UGT2B7: variants seen among roughly 807,000 people sequenced by gnomAD.
UGT2B7 encodes UDP glucuronosyltransferase family 2 member B7, also known as UDP-glucuronosyltransferase 2B7.
Under a neutral mutation model 51.9 loss-of-function variants are expected in UGT2B7, and 51 were observed. That is an observed-to-expected ratio of 0.98 (90% CI 0.78 to 1.24). UGT2B7 has a LOEUF of 1.24. Ranked by LOEUF, UGT2B7 falls within the 50% of genes most tolerant of loss-of-function variation. The probability of loss-of-function intolerance (pLI) is 0.00; values close to 1 mark genes in which losing one functional copy is unlikely to be tolerated. For synonymous variants in UGT2B7, 225 were observed against 211.6 expected (o/e 1.06, Z -0.55); for missense variants, 727 against 628.4 (o/e 1.16, Z -1.68).
chr4:69,063,318 CAAAAAAAAAAA>C (rs556109411), intron 1 of UGT2B7, among the ~76,000 whole-genome samples: 1 of 23,860 alleles, frequency 4.2e-5, no homozygotes, highest in Non-Finnish European at 7.4e-5. Context: ...GACTCCGTCT[CAAAAAAAAAAA>C]AAAAAAAAAA....
chr4:69,062,567 A>G (rs1380532051), intron 1 of UGT2B7, among the ~76,000 whole-genome samples: 2 of 152,084 alleles, frequency 1.3e-5, no homozygotes, highest in Admixed American at 6.6e-5. Context: ...CGTGCCTTGG[A>G]TCCACCACAG....
At chr4:69,067,185 G>A (rs1327560944) in intron 1 of UGT2B7, among the ~76,000 whole-genome samples, 2 of 152,084 alleles carry the variant, frequency 1.3e-5, no homozygotes, top group Admixed American at 1.3e-4. Context: ...CAAGTCTCAA[G>A]ACACATACCA....
chr4:69,078,267 G>C (rs958136848), intron 1 of UGT2B7, among the ~76,000 whole-genome samples: 8 of 151,934 alleles, frequency 5.3e-5, no homozygotes, highest in African/African-American at 1.9e-4. Flanking sequence ...TTCTTTTCTT[G>C]TTGTGGTTCT....
chr4:69,056,606 A>C (rs1264128589), intron 1 of UGT2B7, among the ~76,000 whole-genome samples: 2 of 152,178 alleles, frequency 1.3e-5, no homozygotes, highest in African/African-American at 4.8e-5. Context: ...ATTAGTTCCC[A>C]GCAATAGGAA....
Position 69,108,131 on chromosome 4 carries a change from T to C in UGT2B7, c.1119T>C (p.Thr373=), listed in dbSNP as rs780912290. ...ATCCAAAGACCAGAGCTTTTATAAC[T>C]CATGGTGGAGCCAATGGCATCTACG... ...LGHPKTRAFI[T]HGGANGIYEA... Residue 373 remains threonine, a synonymous_variant, in exon 5 of 6, where the codon ACT becomes ACC. Transcript: ENST00000305231. 3.1e-6 allele frequency: 5 copies of C among 1,613,472 alleles called. No individual in the cohort carries two copies. The African/African-American group carries it at 5.3e-5, about 17-fold the overall frequency.
chr4:69,083,393 G>A (rs7436374), intron 1 of UGT2B7, among the ~76,000 whole-genome samples: 141,880 of 152,158 alleles, frequency 0.93, 66,227 homozygotes, highest in East Asian at 1. Flanking sequence ...CCTTCTGTAA[G>A]TAATTTAGTG....
At chr4:69,067,471 G>A (rs1047595784) in intron 1 of UGT2B7, 2 of 157,758 alleles carry the variant, frequency 1.3e-5, no homozygotes, top group African/African-American at 2.4e-5. Flanking sequence ...AATCTATCAT[G>A]GAATCCCTAG....
intron 2 of UGT2B7, among the ~76,000 whole-genome samples, chr4:69,090,635 A>T (rs1261799866): frequency 6.6e-6 from 1 of 152,136 alleles, no homozygotes; most frequent in Non-Finnish European, 1.5e-5. Flanking sequence ...AATTACCTCC[A>T]TCAAGTCCCT....
intron 1 of UGT2B7, among the ~76,000 whole-genome samples, chr4:69,081,878 GT>G (rs1375991875): frequency 6.6e-6 from 1 of 151,848 alleles, no homozygotes; most frequent in African/African-American, 2.4e-5. Flanking sequence ...ACATATTTAG[GT>G]TTTTTTGTTT....
At chr4:69,053,905 C>G (rs1412864161) in intron 1 of UGT2B7, among the ~76,000 whole-genome samples, 1 of 151,944 alleles carries the variant, frequency 6.6e-6, no homozygotes, top group African/African-American at 2.4e-5. Flanking sequence ...ATTTCATCAA[C>G]CAGAGGAAGA....
At chr4:69,109,376 C>T (rs1041039236) in intron 5 of UGT2B7, among the ~76,000 whole-genome samples, 2 of 152,132 alleles carry the variant, frequency 1.3e-5, no homozygotes, top group Non-Finnish European at 2.9e-5. Flanking sequence ...GGTTCCAATT[C>T]CTCCATACTT....
chr4:69,090,497 A>G (rs886647808), intron 2 of UGT2B7, among the ~76,000 whole-genome samples: 3 of 152,058 alleles, frequency 2.0e-5, no homozygotes, highest in Non-Finnish European at 2.9e-5. Context: ...TATAAAATCA[A>G]GGAGCAAAGG....
chr4:69,098,517 T>A, intron 1 of UGT2B7, 23 bp from the exon 2 acceptor site: 2 of 1,299,564 alleles, frequency 1.5e-6, no homozygotes, highest in Non-Finnish European at 2.0e-6. Flanking sequence ...GTCATCCACC[T>A]TTTTTTTTTC....
chr4:69,068,125 A>G (rs1327443802), intron 1 of UGT2B7, among the ~76,000 whole-genome samples: 1 of 152,040 alleles, frequency 6.6e-6, no homozygotes, highest in Admixed American at 6.6e-5. Context: ...ATCTCATATT[A>G]GTTATTCATT....
At chr4:69,098,240 C>T (rs72643000) in intron 1 of UGT2B7, among the ~76,000 whole-genome samples, 1 of 151,890 alleles carries the variant, frequency 6.6e-6, no homozygotes, top group African/African-American at 2.4e-5. Flanking sequence ...AAGAAATTTT[C>T]TGTTTAACTT....
chr4:69,090,602 G>A (rs1395428824), intron 2 of UGT2B7, among the ~76,000 whole-genome samples: 1 of 152,072 alleles, frequency 6.6e-6, no homozygotes, highest in African/African-American at 2.4e-5. Context: ...GAAAAGCATG[G>A]AAAAGACTCA....
Position 69,108,145 on chromosome 4 carries a change from A to T in UGT2B7, c.1133A>T (p.Asn378Ile), listed in dbSNP as rs35590824. 3.8e-5 allele frequency: 61 copies of T among 1,613,526 alleles called. No homozygotes were observed. Among genetic ancestry groups the T allele is most frequent in the Non-Finnish European group, 5.0e-5 (59 of 1,179,642 alleles). Reference sequence around the variant, plus strand: ...GCTTTTATAACTCATGGTGGAGCCAATGGCATCTACGAGGCAATCTACCAT... The same window carrying T: ...GCTTTTATAACTCATGGTGGAGCCATTGGCATCTACGAGGCAATCTACCAT... Reference protein sequence around the residue: ...TRAFITHGGANGIYEAIYHGI... With the variant: ...TRAFITHGGAIGIYEAIYHGI... The change falls in exon 5 of 6, where the codon AAT becomes ATT. Residue 378 changes from asparagine (N) to isoleucine (I), a missense_variant. Physicochemically the swap from Asn to Ile is moderately radical, Grantham distance 149. Coordinates refer to ENST00000305231, the MANE Select transcript of UGT2B7 (RefSeq NM_001074.4).
chr4:69,106,425 A>G (rs1719601336), intron 3 of UGT2B7, among the ~76,000 whole-genome samples: 1 of 152,176 alleles, frequency 6.6e-6, no homozygotes, highest in Non-Finnish European at 1.5e-5. Flanking sequence ...TGCAAAATAC[A>G]TAATTTTGTT....
chr4:69,052,580 A>G, intron 1 of UGT2B7, among the ~76,000 whole-genome samples: 1 of 48,514 alleles, frequency 2.1e-5, no homozygotes, highest in African/African-American at 1.9e-4. Flanking sequence ...AAAAAAAAAA[A>G]AAAAAAAAAA....
Sources: allele counts gnomAD v4.1 joint callset (sites outside exome capture counted in the v4.1 genomes callset), GRCh38; gene constraint gnomAD v4.1.1; transcripts MANE v1.5; gene names NCBI Gene and HGNC (gene_info 2026-07-23, HGNC 2026-07-21).